ITIH5: variants seen among roughly 807,000 people sequenced by gnomAD.
The protein encoded by ITIH5 is inter-alpha-trypsin inhibitor heavy chain 5, also known as inter-alpha-trypsin inhibitor heavy chain H5.
A neutral mutation model predicts 77.5 loss-of-function variants in ITIH5; 65 were observed. That is an observed-to-expected ratio of 0.84 (90% confidence interval 0.69 to 1.03). ITIH5 has a LOEUF of 1.03. Ranked by LOEUF, ITIH5 falls within the 50% of genes least tolerant of loss-of-function variation. The pLI is 0.00. For missense variants in ITIH5, 1,208 were observed against 1,213.1 expected, an observed-to-expected ratio of 1.00 and a Z score of 0.06; for synonymous variants, 525 against 494.3, an observed-to-expected ratio of 1.06 and a Z score of -0.82.
chr10:7,637,503 C>T (rs1833822045), intron 4 of ITIH5, 25 bp from the exon 5 acceptor site: 1 of 1,610,122 alleles, frequency 6.2e-7, no homozygotes, highest in Non-Finnish European at 8.5e-7. Context: ...GAAAAGGACC[C>T]CAGGGAGGTT....
intron 2 of ITIH5, among the ~76,000 whole-genome samples, chr10:7,654,792 C>T (rs1305635030): frequency 6.6e-6 from 1 of 152,158 alleles, no homozygotes; most frequent in African/African-American, 2.4e-5. Flanking sequence ...GCTTTAATCT[C>T]AGCCCCTTCA....
At chr10:7,614,255 C>T (rs1833317846) in intron 7 of ITIH5, among the ~76,000 whole-genome samples, 1 of 152,132 alleles carries the variant, frequency 6.6e-6, no homozygotes, top group East Asian at 1.9e-4. Flanking sequence ...GAGCAGTTGG[C>T]AGGTTGCGCT....
chr10:7,637,563 T>C, intron 4 of ITIH5, 85 bp from the exon 5 acceptor site: 1 of 1,390,270 alleles, frequency 7.2e-7, no homozygotes, highest in Non-Finnish European at 9.8e-7. Context: ...GCACCAGCCA[T>C]ACCCTCTCAA....
At chr10:7,623,014 T>A (rs1243066709) in intron 5 of ITIH5, among the ~76,000 whole-genome samples, 1 of 152,202 alleles carries the variant, frequency 6.6e-6, no homozygotes, top group Non-Finnish European at 1.5e-5. Flanking sequence ...TACATGGAGG[T>A]TGGTCGCAAA....
At position 7,609,628 on chromosome 10, in the gene ITIH5, C is replaced by T. The variant is rs190832006; in HGVS notation, c.939+6354G>A. On this transcript the variant is annotated intron_variant, in intron 7 of 13. Transcript: ENST00000397146. The stretch of plus-strand genomic sequence containing the variant: ...TGCCCTCATTTTAACTTGACAATTA[C>T]AGATAAGAAACATGCTTGTTCTTTA... The T allele has an allele frequency of 6.1e-3, 2,245 of 370,192 alleles. 18 individuals carry two copies. The highest frequency in any genetic ancestry group is 0.023 in the Middle Eastern group (53 of 2,282). 22.9% of individuals were successfully genotyped at this position (370,192 alleles called of 1,614,324 possible).
intron 10 of ITIH5, among the ~76,000 whole-genome samples, chr10:7,575,007 G>A (rs1357661600): frequency 6.6e-6 from 1 of 152,110 alleles, no homozygotes; most frequent in African/African-American, 2.4e-5. Flanking sequence ...GAAAGTGATA[G>A]CATCCTGCCA....
chr10:7,644,595 CAT>C (rs1215755102), intron 2 of ITIH5, among the ~76,000 whole-genome samples: 6 of 74,468 alleles, frequency 8.1e-5, no homozygotes, highest in Admixed American at 1.5e-4. Flanking sequence ...ACATATATAT[CAT>C]ACATATCACA....
chr10:7,631,728 C>T (rs987411732), intron 5 of ITIH5, among the ~76,000 whole-genome samples: 2 of 151,386 alleles, frequency 1.3e-5, no homozygotes, highest in African/African-American at 2.4e-5. Context: ...TACATTTTAA[C>T]AAGGATCTAA....
intron 1 of ITIH5, among the ~76,000 whole-genome samples, chr10:7,657,754 C>G (rs1294991126): frequency 1.3e-5 from 2 of 152,186 alleles, no homozygotes; most frequent in Non-Finnish European, 2.9e-5. Context: ...GTGACTAGTT[C>G]TGGCCAATAA....
At chr10:7,644,769 T>TCA (rs1048474150) in intron 2 of ITIH5, among the ~76,000 whole-genome samples, 46 of 140,396 alleles carry the variant, frequency 3.3e-4, no homozygotes, top group Non-Finnish European at 4.2e-4. Flanking sequence ...CACATATATA[T>TCA]CATATATATC....
chr10:7,654,094 T>G (rs1265464178), intron 2 of ITIH5, among the ~76,000 whole-genome samples: 2 of 152,056 alleles, frequency 1.3e-5, no homozygotes, highest in East Asian at 3.9e-4. Context: ...GAGGCAGAGG[T>G]TGCAGTGAGC....
chr10:7,583,721 C>A (rs11255204), intron 8 of ITIH5, among the ~76,000 whole-genome samples: 1 of 151,968 alleles, frequency 6.6e-6, no homozygotes, highest in African/African-American at 2.4e-5. Context: ...TCTCTTGTCT[C>A]TATTCAGCAA....
intron 1 of ITIH5, among the ~76,000 whole-genome samples, chr10:7,660,693 T>C (rs956158213): frequency 1.3e-5 from 2 of 152,146 alleles, no homozygotes; most frequent in East Asian, 3.9e-4. Context: ...GGAAGAGAGA[T>C]AGGTACTTGA....
chr10:7,585,755 G>A, intron 8 of ITIH5, 146 bp downstream of exon 8: 1 of 657,910 alleles, frequency 1.5e-6, no homozygotes, highest in South Asian at 2.1e-5. Flanking sequence ...AACCTAAGCT[G>A]CTGAGAAAGC....
intron 7 of ITIH5, 111 bp downstream of exon 7, chr10:7,615,871 C>A: frequency 2.8e-6 from 2 of 708,134 alleles, no homozygotes; most frequent in Non-Finnish European, 5.2e-6. Context: ...AGGCAGGAAT[C>A]GCTGGATGGT....
intron 12 of ITIH5, among the ~76,000 whole-genome samples, 179 bp from the exon 13 acceptor site, chr10:7,566,586 A>C (rs1013854686): frequency 1.1e-4 from 17 of 151,002 alleles, no homozygotes; most frequent in African/African-American, 4.2e-4. Flanking sequence ...TTAGCTGAGC[A>C]TAGTGGTGCA....
At chr10:7,634,875 A>G (rs563446313) in intron 5 of ITIH5, among the ~76,000 whole-genome samples, 2 of 152,178 alleles carry the variant, frequency 1.3e-5, no homozygotes, top group Non-Finnish European at 2.9e-5. Flanking sequence ...ACAGTTGCAC[A>G]TGAGAAAATT....
In ITIH5 at chr10:7,666,925, C is replaced by G. The variant is rs1479338668; in HGVS notation, c.-33G>C. 6.5e-7 allele frequency: 1 copy of G among 1,541,900 alleles called. No individual in the cohort carries two copies. Among genetic ancestry groups the G allele is most frequent in the South Asian group, 1.2e-5 (1 of 85,572 alleles). ...CGAGGGCGCGGGACGCTCGGGGACC[C>G]GGCGGGACACGCTTTGCAGCGCCCA... On this transcript the variant is annotated 5_prime_UTR_variant, in exon 1 of 14. Coordinates refer to ENST00000397146, the MANE Select transcript of ITIH5 (RefSeq NM_030569.7).
chr10:7,644,097 G>A (rs1049608991), intron 2 of ITIH5, among the ~76,000 whole-genome samples: 5 of 152,038 alleles, frequency 3.3e-5, no homozygotes, highest in Non-Finnish European at 5.9e-5. Context: ...AATTAACTGC[G>A]TGTGGTGGTG....
Sources: gnomAD v4.1 joint callset for allele counts (sites outside exome capture counted in the v4.1 genomes callset) on GRCh38, gnomAD v4.1.1 for gene constraint, MANE v1.5 for transcripts, NCBI Gene and HGNC (gene_info 2026-07-23, HGNC 2026-07-21) for gene names.